MAGI1: variants seen among roughly 807,000 people sequenced by gnomAD.
MAGI1 encodes the protein membrane associated guanylate kinase, WW and PDZ domain containing 1, also known as membrane-associated guanylate kinase, WW and PDZ domain-containing protein 1.
In MAGI1, 58 loss-of-function variants were observed where a neutral mutation model predicts 139.9. The ratio of observed to expected loss-of-function variants is 0.41; its 90% CI spans 0.34 to 0.52. MAGI1 has a LOEUF of 0.52. Among genes scored for constraint, MAGI1 ranks in the 20% least tolerant of loss-of-function variants. The probability of loss-of-function intolerance (pLI) is 0.12; values close to 1 mark genes in which losing one functional copy is unlikely to be tolerated. For missense variants in MAGI1, 1,874 were observed against 1,901.6 expected, an observed-to-expected ratio of 0.99 and a Z score of 0.27; for synonymous variants, 812 against 737.9, an observed-to-expected ratio of 1.10 and a Z score of -1.63.
At chr3:65,540,537 ATTTGT>A (rs2079161586) in intron 2 of MAGI1, among the ~76,000 whole-genome samples, 1 of 152,132 alleles carries the variant, frequency 6.6e-6, no homozygotes, top group African/African-American at 2.4e-5. Context: ...CAATTTTTAC[ATTTGT>A]TTTGAGAGTG....
chr3:65,425,562 C>G (rs1946983004), intron 12 of MAGI1, among the ~76,000 whole-genome samples: 2 of 152,158 alleles, frequency 1.3e-5, no homozygotes, highest in Non-Finnish European at 2.9e-5. Context: ...AGAAGTAGTA[C>G]CCTTCTGAAG....
chr3:65,904,255 A>G (rs2061350266), intron 1 of MAGI1, among the ~76,000 whole-genome samples: 1 of 152,202 alleles, frequency 6.6e-6, no homozygotes, highest in African/African-American at 2.4e-5. Flanking sequence ...GCCTGGAATG[A>G]CCAACCCTAT....
chr3:65,451,138 G>C (rs1949009218), intron 6 of MAGI1, among the ~76,000 whole-genome samples: 1 of 151,960 alleles, frequency 6.6e-6, no homozygotes, highest in Non-Finnish European at 1.5e-5. Context: ...AGAATTTTAA[G>C]AATTAAAAAT....
At chr3:65,567,529 A>G (rs557910726) in intron 2 of MAGI1, among the ~76,000 whole-genome samples, 1 of 152,284 alleles carries the variant, frequency 6.6e-6, no homozygotes, top group Non-Finnish European at 1.5e-5. Context: ...CATCACATCT[A>G]ACCAAAGAAG....
chr3:65,455,106 G>A (rs4375986), intron 5 of MAGI1, among the ~76,000 whole-genome samples: 1 of 151,810 alleles, frequency 6.6e-6, no homozygotes, highest in African/African-American at 2.4e-5. Flanking sequence ...GCAGGATTAA[G>A]AAAAAAACTG....
intron 8 of MAGI1, 75 bp downstream of exon 8, chr3:65,442,717 A>G: frequency 9.5e-7 from 1 of 1,050,218 alleles, no homozygotes; most frequent in Non-Finnish European, 1.4e-6. Flanking sequence ...TAATGATGTC[A>G]GGCTGTACTT....
In MAGI1 at chr3:65,472,217, G is replaced by A. The variant is rs761727595; in HGVS notation, c.758-1733C>T. Among the ~76,000 whole-genome samples, 58 of 152,112 alleles carry A rather than the reference G, an allele frequency of 3.8e-4. 1 individual carries two copies. Among genetic ancestry groups the A allele is most frequent in the Middle Eastern group, 3.4e-3 (1 of 292 alleles). On this transcript the variant is annotated intron_variant, in intron 4 of 22. Coordinates refer to ENST00000402939, the MANE Select transcript of MAGI1 (RefSeq NM_001033057.2). ...CAATAACAAAATAAATTCAAAACCC[G>A]GCAAGAATTAAAGGAGTCACCTTTA... is the stretch of plus-strand genomic sequence containing the variant.
At chr3:65,606,475 C>T (rs536880285) in intron 2 of MAGI1, among the ~76,000 whole-genome samples, 1 of 151,442 alleles carries the variant, frequency 6.6e-6, no homozygotes, top group Admixed American at 6.6e-5. Flanking sequence ...AGAGTAGCTG[C>T]GATTACAGGT....
chr3:65,659,559 A>T (rs1045836339), intron 1 of MAGI1, among the ~76,000 whole-genome samples: 1 of 152,212 alleles, frequency 6.6e-6, no homozygotes, highest in African/African-American at 2.4e-5. Context: ...ACCTTTTTCC[A>T]GGAGTTTTCA....
chr3:65,729,022 T>G (rs2033910580), intron 1 of MAGI1, among the ~76,000 whole-genome samples: 1 of 150,964 alleles, frequency 6.6e-6, no homozygotes, highest in African/African-American at 2.4e-5. Context: ...AAATCAAGTT[T>G]TGCAAAAATT....
intron 1 of MAGI1, among the ~76,000 whole-genome samples, chr3:66,000,482 A>G (rs1301826063): frequency 6.6e-6 from 1 of 152,230 alleles, no homozygotes; most frequent in East Asian, 1.9e-4. Flanking sequence ...TAATACGACT[A>G]AGGCAAAAAT....
chr3:65,973,947 C>T (rs2065128634), intron 1 of MAGI1, among the ~76,000 whole-genome samples: 1 of 152,000 alleles, frequency 6.6e-6, no homozygotes, highest in Admixed American at 6.6e-5. Flanking sequence ...ATGCTGATGC[C>T]ATAAAATATG....
chr3:65,971,135 A>G, intron 1 of MAGI1, among the ~76,000 whole-genome samples: 1 of 152,180 alleles, frequency 6.6e-6, no homozygotes, highest in East Asian at 1.9e-4. Flanking sequence ...CCCAGGAGGT[A>G]GAGGCTGCAG....
chr3:66,012,560 G>C (rs2067377850), intron 1 of MAGI1, among the ~76,000 whole-genome samples: 2 of 152,134 alleles, frequency 1.3e-5, no homozygotes, highest in South Asian at 2.1e-4. Context: ...GAGACCAGGA[G>C]TTTGAGACCA....
intron 22 of MAGI1, chr3:65,360,232 G>C: frequency 1.0e-6 from 1 of 985,140 alleles, no homozygotes; most frequent in Non-Finnish European, 1.2e-6. Context: ...GGTGATAATA[G>C]ATAAATCCCT....
At chr3:65,956,688 G>A (rs1212715157) in intron 1 of MAGI1, among the ~76,000 whole-genome samples, 1 of 152,116 alleles carries the variant, frequency 6.6e-6, no homozygotes, top group Non-Finnish European at 1.5e-5. Context: ...TAGAAGAGCT[G>A]GAACACTGCT....
intron 2 of MAGI1, among the ~76,000 whole-genome samples, chr3:65,508,544 A>G (rs932948218): frequency 1.3e-5 from 2 of 152,334 alleles, no homozygotes; most frequent in African/African-American, 4.8e-5. Flanking sequence ...AGCCTTCCTT[A>G]TTTCAGAGAT....
intron 1 of MAGI1, among the ~76,000 whole-genome samples, chr3:65,733,219 C>G (rs2034371851): frequency 6.6e-6 from 1 of 152,064 alleles, no homozygotes; most frequent in African/African-American, 2.4e-5. Context: ...CCACCACGCC[C>G]CGCTAATTTT....
intron 2 of MAGI1, among the ~76,000 whole-genome samples, chr3:65,587,066 G>T (rs1576400498): frequency 6.6e-6 from 1 of 152,128 alleles, no homozygotes; most frequent in South Asian, 2.1e-4. Context: ...CTTTGCTTTT[G>T]AGGTTGGGGT....
Sources: gnomAD v4.1 joint callset for allele counts (sites outside exome capture counted in the v4.1 genomes callset) on GRCh38, gnomAD v4.1.1 for gene constraint, MANE v1.5 for transcripts, NCBI Gene and HGNC (gene_info 2026-07-23, HGNC 2026-07-21) for gene names.